Variants in C8orf76 observed in about 807,000 individuals in gnomAD.
The protein encoded by C8orf76 is chromosome 8 open reading frame 76.
A neutral mutation model predicts 38.1 loss-of-function variants in C8orf76; 46 were observed. The observed-to-expected ratio is 1.21, with a 90% CI of 0.95 to 1.54. The LOEUF (loss-of-function observed/expected upper bound fraction) is 1.54, where lower values mean the gene tolerates loss of function less well. Ranked by LOEUF, C8orf76 falls within the 40% of genes most tolerant of loss-of-function variation. The pLI is 0.00. For synonymous variants in C8orf76, 166 were observed against 167.5 expected (o/e 0.99, Z 0.07); for missense variants, 461 against 441.6 (o/e 1.04, Z -0.39).
chr8:123,219,976 A>T lies in C8orf76; in HGVS notation c.*127T>A, dbSNP rs1586797022. ...CTGAATGCAGTAGAAATCATTTGAGACAGAAGCCAGTTTTATAAAACATAA... is the reference window on the plus strand; with the variant it reads ...CTGAATGCAGTAGAAATCATTTGAGTCAGAAGCCAGTTTTATAAAACATAA... On this transcript the variant is annotated 3_prime_UTR_variant, in exon 6 of 6. Coordinates refer to ENST00000276704, the MANE Select transcript of C8orf76 (RefSeq NM_032847.3). 5.3e-6 allele frequency: 3 copies of T among 566,464 alleles called. No homozygotes were observed. In the East Asian group the frequency reaches 9.2e-5, roughly 17 times the overall value. The allele number at this position is 566,464 out of a possible 1,614,324, so 35.1% of individuals were successfully genotyped here.
At chr8:123,233,271 G>A (rs369930294) in intron 3 of C8orf76, among the ~76,000 whole-genome samples, 5 of 151,518 alleles carry the variant, frequency 3.3e-5, no homozygotes, top group Admixed American at 1.3e-4. Flanking sequence ...CACCCCCTTC[G>A]GCCTCTGAAA....
chr8:123,226,208 A>C (rs1825038643), intron 5 of C8orf76: 2 of 1,230,864 alleles, frequency 1.6e-6, no homozygotes, highest in Non-Finnish European at 2.0e-6. Context: ...TCATTCATTC[A>C]TTTATTCAGC....
Position 123,226,533 on chromosome 8 carries a change from G to C in C8orf76, c.915C>G (p.Ser305Arg). The change falls in exon 5 of 6, where the codon AGC (serine) becomes AGG (arginine). Residue 305 changes from serine to arginine, a missense_variant. Coordinates refer to ENST00000276704, the MANE Select transcript of C8orf76 (RefSeq NM_032847.3). ...QEIEDKMKGF[S>R]FKEDTLLLIA... ...TCAACAGCAAAGTGTCTTCTTTGAA[G>C]CTGAACCCTTTCATTTTATCTTCAA... 1 of 1,613,596 alleles carries C rather than the reference G, an allele frequency of 6.2e-7. No individual in the cohort carries two copies. The highest frequency in any genetic ancestry group is 1.3e-5 in the African/African-American group (1 of 75,020).
chr8:123,221,950 G>C (rs890633968), intron 5 of C8orf76, among the ~76,000 whole-genome samples: 9 of 152,194 alleles, frequency 5.9e-5, no homozygotes, highest in African/African-American at 1.9e-4. Context: ...CCACTGGAGT[G>C]AGGCTCTATG....
At position 123,240,181 on chromosome 8, in the gene C8orf76, G is replaced by C. The variant is rs193256020; in HGVS notation, c.118-1037C>G. ...TAAGGAGCTGACACCTTCAAGGCAA[G>C]TGGTTAAAGCCAACACTGGAATTCA... is the stretch of plus-strand genomic sequence containing the variant. On this transcript the variant is annotated intron_variant, in intron 1 of 5. Coordinates refer to ENST00000276704, the MANE Select transcript of C8orf76 (RefSeq NM_032847.3). Among the ~76,000 whole-genome samples the C allele has an allele frequency of 1.6e-3, 226 of 143,264 alleles. 1 individual carries two copies. Among genetic ancestry groups the C allele is most frequent in the African/African-American group, 6.7e-3 (219 of 32,748 alleles). The allele number at this position is 143,264 out of a possible 152,430, so 94.0% of individuals were successfully genotyped here.
intron 2 of C8orf76, 24 bp downstream of exon 2, chr8:123,239,025 C>T (rs748284477): frequency 1.3e-5 from 21 of 1,611,894 alleles, no homozygotes; most frequent in Non-Finnish European, 1.7e-5. Flanking sequence ...GAGCCCACTT[C>T]AAGCACCATA....
chr8:123,227,606 T>C (rs890100955), intron 4 of C8orf76, among the ~76,000 whole-genome samples: 8 of 152,080 alleles, frequency 5.3e-5, no homozygotes, highest in African/African-American at 1.9e-4. Context: ...TGGGAGAACA[T>C]CTGGTGGCGA....
intron 3 of C8orf76, among the ~76,000 whole-genome samples, chr8:123,232,738 C>T (rs1825317143): frequency 6.6e-6 from 1 of 152,222 alleles, no homozygotes; most frequent in Non-Finnish European, 1.5e-5. Context: ...TTTGCTGACA[C>T]TGTACCTTCC....
Position 123,226,276 on chromosome 8 carries a change from C to T in C8orf76, c.948+224G>A, listed in dbSNP as rs943206179. On this transcript the variant is annotated intron_variant, in intron 5 of 5. Transcript: ENST00000276704. ...GTTCAGGCAGGCAGGTGCTAACAAG[C>T]ACTGACAAGTACATGAAACACAGCC... 7.3e-6 allele frequency: 10 copies of T among 1,376,836 alleles called. No individual in the cohort carries two copies. The Admixed American group carries it at 1.9e-4, about 26-fold the overall frequency. The allele number at this position is 1,376,836 out of a possible 1,614,324, so 85.3% of individuals were successfully genotyped here.
intron 3 of C8orf76, chr8:123,236,849 G>A (rs1367043887): frequency 5.4e-6 from 4 of 737,210 alleles, no homozygotes; most frequent in Admixed American, 2.1e-5. Context: ...TCCAGATGCA[G>A]AGATGCAGAT....
At chr8:123,227,569 G>C (rs1825091527) in intron 4 of C8orf76, among the ~76,000 whole-genome samples, 1 of 152,198 alleles carries the variant, frequency 6.6e-6, no homozygotes, top group Non-Finnish European at 1.5e-5. Context: ...TACCAGGCAA[G>C]CTACGAGCTA....
chr8:123,221,930 T>TAAAAA lies in C8orf76; in HGVS notation c.949-1634_949-1633insTTTTT, dbSNP rs1824903413. Among the ~76,000 whole-genome samples the TAAAAA allele has an allele frequency of 6.6e-5, 10 of 152,282 alleles. No individual in the cohort carries two copies. In the South Asian group the frequency reaches 2.1e-3, roughly 32 times the overall value. ...CCTCCAAAAAAAATTTTAAAAAATG[T>TAAAAA]ATTTGATAACCACTGGAGTGAGGCT... On this transcript the variant is annotated intron_variant, in intron 5 of 5. Transcript: ENST00000276704.
intron 3 of C8orf76, among the ~76,000 whole-genome samples, chr8:123,234,002 T>G (rs1825371988): frequency 6.7e-6 from 1 of 149,262 alleles, no homozygotes; most frequent in Non-Finnish European, 1.5e-5. Context: ...CACTCCAGCC[T>G]GGGCAACAGA....
At chr8:123,226,653 A>G in intron 4 of C8orf76, 21 bp from the exon 5 acceptor site, 1 of 1,577,754 alleles carries the variant, frequency 6.3e-7, no homozygotes, top group Non-Finnish European at 8.6e-7. Flanking sequence ...GAAAAGTCTC[A>G]ATGCGTGGCG....
Position 123,231,593 on chromosome 8 carries a change from G to A in C8orf76, c.522C>T (p.Tyr174=), listed in dbSNP as rs777113888. The A allele has an allele frequency of 1.2e-6, 2 of 1,614,230 alleles. No individual in the cohort carries two copies. The highest frequency in any genetic ancestry group is 1.7e-6 in the Non-Finnish European group (2 of 1,180,052). ...CTGAAAGAGCTGGCCCCAGATTCAG[G>A]TAAGCCTCTGCCAATTTGCCCCAGT... ...PWNWGKLAEA[Y]LNLGPALSAA... Residue 174 remains tyrosine, a synonymous_variant, in exon 4 of 6, where the codon TAC becomes TAT. Coordinates refer to ENST00000276704, the MANE Select transcript of C8orf76 (RefSeq NM_032847.3).
chr8:123,223,377 G>A (rs914249403), intron 5 of C8orf76, among the ~76,000 whole-genome samples: 1 of 152,196 alleles, frequency 6.6e-6, no homozygotes, highest in African/African-American at 2.4e-5. Context: ...GGAGGCCGAG[G>A]CAGGCAGATC....
intron 5 of C8orf76, among the ~76,000 whole-genome samples, chr8:123,224,607 T>TA (rs1363073842): frequency 6.6e-6 from 1 of 152,124 alleles, no homozygotes; most frequent in East Asian, 1.9e-4. Context: ...TGAGACCTTT[T>TA]AAAAAATAAA....
Position 123,231,761 on chromosome 8 carries a change from A to T in C8orf76, c.358-4T>A. ...CTGTGTTGGTTGCTTTATTTTCCTA[A>T]GGAGAAAAAAAAAAGGTTAAGAAGT... is the stretch of plus-strand genomic sequence containing the variant. On this transcript the variant is annotated splice_region_variant and splice_polypyrimidine_tract_variant and intron_variant, in intron 3 of 5. Transcript: ENST00000276704. The T allele has an allele frequency of 6.4e-7, 1 of 1,553,944 alleles. No homozygotes were observed. Among genetic ancestry groups the T allele is most frequent in the Non-Finnish European group, 8.6e-7 (1 of 1,161,110 alleles).
chr8:123,233,799 C>T (rs1468933912), intron 3 of C8orf76, among the ~76,000 whole-genome samples: 5 of 151,854 alleles, frequency 3.3e-5, no homozygotes, highest in East Asian at 4.0e-4. Context: ...GAGGCCAAGG[C>T]GGGCGGATCA....
Sources: allele counts gnomAD v4.1 joint callset (sites outside exome capture counted in the v4.1 genomes callset), GRCh38; gene constraint gnomAD v4.1.1; transcripts MANE v1.5; gene names NCBI Gene and HGNC (gene_info 2026-07-23, HGNC 2026-07-21).